Variants in ZNF287 observed in about 807,000 individuals in gnomAD.
The protein encoded by ZNF287 is zinc finger protein with KRAB and SCAN domains 13.
In ZNF287, 31 loss-of-function variants were observed where a neutral mutation model predicts 73.7. That is an observed-to-expected ratio of 0.42 (90% CI 0.32 to 0.57). ZNF287 has a LOEUF of 0.57. Among genes scored for constraint, ZNF287 ranks in the 20% least tolerant of loss-of-function variants. The pLI is 0.13. For synonymous variants in ZNF287, 301 were observed against 307.2 expected (o/e 0.98, Z 0.21); for missense variants, 641 against 909.3 (o/e 0.70, Z 3.79).
At position 16,566,627 on chromosome 17, in the gene ZNF287, A is replaced by T. The variant is rs1229741717; in HGVS notation, c.404-5T>A. 1 of 1,606,936 alleles carries T rather than the reference A, an allele frequency of 6.2e-7. No individual in the cohort carries two copies. Among genetic ancestry groups the T allele is most frequent in the Admixed American group, 1.7e-5 (1 of 59,336 alleles). On this transcript the variant is annotated splice_polypyrimidine_tract_variant and splice_region_variant and intron_variant, in intron 2 of 5. Transcript: ENST00000395825. Reference sequence around the variant, plus strand: ...AAAGGGTAGAGTTTTGAGGAGCTAGAGAAGAGAAAGAGGTCATGAGGGAGA... The same window carrying T: ...AAAGGGTAGAGTTTTGAGGAGCTAGTGAAGAGAAAGAGGTCATGAGGGAGA...
chr17:16,563,383 T>A, intron 4 of ZNF287, 151 bp from the exon 5 acceptor site: 1 of 612,002 alleles, frequency 1.6e-6, no homozygotes, highest in Non-Finnish European at 2.8e-6. Flanking sequence ...GGCTGTTGAT[T>A]GTTATCCTTT....
At chr17:16,568,101 G>T in intron 1 of ZNF287, 172 bp from the exon 2 acceptor site, 1 of 438,192 alleles carries the variant, frequency 2.3e-6, no homozygotes, top group Non-Finnish European at 3.1e-6. Context: ...GCTTGGGGTT[G>T]GTGGGGGATG....
intron 2 of ZNF287, 136 bp downstream of exon 2, chr17:16,567,193 G>T: frequency 8.5e-7 from 1 of 1,177,804 alleles, no homozygotes; most frequent in Non-Finnish European, 1.2e-6. Flanking sequence ...GTTCTCCCCA[G>T]TTTCTTTCTT....
Position 16,555,601 on chromosome 17 carries a change from A to AACACAC in ZNF287, c.716-2181_716-2176dup, listed in dbSNP as rs201011881. ...AGATGTGCATGCATACACATAACCA[A>AACACAC]ACACACACACACACACACACACACA... On this transcript the variant is annotated intron_variant, in intron 5 of 5. Transcript: ENST00000395825. 3.2e-3 allele frequency among the ~76,000 whole-genome samples: 404 copies of AACACAC among 128,220 alleles called. 2 individuals carry two copies. The Middle Eastern group carries it at 0.041, about 13-fold the overall frequency. 84.1% of individuals were successfully genotyped at this position (128,220 alleles called of 152,430 possible).
In ZNF287 at chr17:16,548,029, T is replaced by C. The variant is rs528045026; in HGVS notation, c.*3827A>G. On this transcript the variant is annotated 3_prime_UTR_variant, in exon 6 of 6. Coordinates refer to ENST00000395825, the MANE Select transcript of ZNF287 (RefSeq NM_020653.4). ...ACTGTGCCTCTAGTGCATTCCTAGTTGATGAGGGAACATTATACAAGAATG... is the reference window on the plus strand; with the variant it reads ...ACTGTGCCTCTAGTGCATTCCTAGTCGATGAGGGAACATTATACAAGAATG... Among the ~76,000 whole-genome samples, 20 of 152,216 alleles carry C rather than the reference T, an allele frequency of 1.3e-4. No individual in the cohort carries two copies. Among genetic ancestry groups the C allele is most frequent in the Non-Finnish European group, 1.8e-4 (12 of 68,040 alleles).
In ZNF287 at chr17:16,551,783, G is replaced by A; in HGVS notation, c.*73C>T. ...GCACTTCTTCAGACTTCTTCTGAATGTTCTGACACATAGAATGCACAAAAC... is the reference window on the plus strand; with the variant it reads ...GCACTTCTTCAGACTTCTTCTGAATATTCTGACACATAGAATGCACAAAAC... On this transcript the variant is annotated 3_prime_UTR_variant, in exon 6 of 6. Transcript: ENST00000395825. The A allele has an allele frequency of 6.7e-7, 1 of 1,489,492 alleles. No homozygotes were observed. The highest frequency in any genetic ancestry group is 9.0e-7 in the Non-Finnish European group (1 of 1,107,676). The allele number at this position is 1,489,492 out of a possible 1,614,324, so 92.3% of individuals were successfully genotyped here. A position where few individuals can be genotyped will look rare whatever the true frequency, so the allele number is the denominator to read the frequency against.
Position 16,550,029 on chromosome 17 carries a change from G to GT in ZNF287, c.*1826dup, listed in dbSNP as rs1330658544. Among the ~76,000 whole-genome samples, 3 of 152,294 alleles carry GT rather than the reference G, an allele frequency of 2.0e-5. No individual in the cohort carries two copies. In the East Asian group the frequency reaches 5.8e-4, roughly 29 times the overall value. ...ATTATGCAAGGGACTGGAGAAACAA[G>GT]TAAGAGCACAATGAAATCTCAGTTC... is the stretch of plus-strand genomic sequence containing the variant. On this transcript the variant is annotated 3_prime_UTR_variant, in exon 6 of 6. Transcript: ENST00000395825.
intron 3 of ZNF287, 86 bp from the exon 4 acceptor site, chr17:16,563,911 A>T: frequency 6.8e-7 from 1 of 1,474,500 alleles, no homozygotes; most frequent in Non-Finnish European, 9.1e-7. Flanking sequence ...ATGGTGGGGG[A>T]CTGTCACAGA....
intron 5 of ZNF287, among the ~76,000 whole-genome samples, chr17:16,554,366 GT>G (rs1215831352): frequency 6.6e-6 from 1 of 152,030 alleles, no homozygotes; most frequent in Non-Finnish European, 1.5e-5. Flanking sequence ...TAGAGACATG[GT>G]TTCACCATGT....
rs150096456 is a variant in ZNF287 at position 16,559,956 on chromosome 17, A to T, written c.715+3190T>A. On this transcript the variant is annotated intron_variant, in intron 5 of 5. Transcript: ENST00000395825. ...CATACACATCCATATATATATATAT[A>T]TTTTTCTTTTTTCTGAGATGGAGTC... Among the ~76,000 whole-genome samples, 964 of 151,836 alleles carry T rather than the reference A, an allele frequency of 6.3e-3. 8 individuals carry two copies. Among genetic ancestry groups the T allele is most frequent in the African/African-American group, 0.013 (548 of 41,416 alleles).
intron 5 of ZNF287, among the ~76,000 whole-genome samples, chr17:16,561,331 A>G (rs1039306297): frequency 2.0e-5 from 3 of 152,174 alleles, no homozygotes; most frequent in Admixed American, 6.5e-5. Flanking sequence ...AACAACAAAA[A>G]AGAAAATCAC....
intron 5 of ZNF287, among the ~76,000 whole-genome samples, chr17:16,559,572 A>ACACACACAC (rs1555899603): frequency 1.4e-5 from 2 of 147,390 alleles, no homozygotes; most frequent in African/African-American, 2.5e-5. Context: ...TAAAAGAACT[A>ACACACACAC]ACACACACAC....
chr17:16,564,479 G>C (rs938343907), intron 3 of ZNF287, among the ~76,000 whole-genome samples: 1 of 152,120 alleles, frequency 6.6e-6, no homozygotes, highest in Non-Finnish European at 1.5e-5. Context: ...TGGGATTACA[G>C]GAGTGATCCA....
At position 16,552,505 on chromosome 17, in the gene ZNF287, C is replaced by G. The variant is rs1244301340; in HGVS notation, c.1637G>C (p.Ser546Thr). ...ATGTCGAATAAGGTAAGTACTCTGA[C>G]TAAACACTTTCCAACATTCATTGCA... is the stretch of plus-strand genomic sequence containing the variant. ...YKCNECWKVF[S>T]QSTYLIRHQR... The change falls in exon 6 of 6, where the codon AGT becomes ACT. Residue 546 changes from serine to threonine, a missense_variant. This residue lies in a region of ZNF287 where 284 missense variants were observed against 466.8 expected (regional missense o/e 0.61). Coordinates refer to ENST00000395825, the MANE Select transcript of ZNF287 (RefSeq NM_020653.4). The surrounding 1 kb of genome is among the most constrained non-coding windows in gnomAD (Gnocchi z 6.5). 1 of 1,614,034 alleles carries G rather than the reference C, an allele frequency of 6.2e-7. No individual in the cohort carries two copies. The highest frequency in any genetic ancestry group is 1.3e-5 in the African/African-American group (1 of 74,928).
In ZNF287 at chr17:16,548,161, A is replaced by G. The variant is rs1382176223; in HGVS notation, c.*3695T>C. On this transcript the variant is annotated 3_prime_UTR_variant, in exon 6 of 6. Coordinates refer to ENST00000395825, the MANE Select transcript of ZNF287 (RefSeq NM_020653.4). ...CACCGTTGGTTACTTTTTACCAGGTAAAAAGTTGTTGGCAATCAAAATATC... is the reference window on the plus strand; with the variant it reads ...CACCGTTGGTTACTTTTTACCAGGTGAAAAGTTGTTGGCAATCAAAATATC... Among the ~76,000 whole-genome samples, 1 of 152,214 alleles carries G rather than the reference A, an allele frequency of 6.6e-6. No homozygotes were observed. The highest frequency in any genetic ancestry group is 2.4e-5 in the African/African-American group (1 of 41,454).
chr17:16,552,474 T>C lies in ZNF287; in HGVS notation c.1668A>G (p.Arg556=), dbSNP rs530236422. 1 of 1,614,146 alleles carries C rather than the reference T, an allele frequency of 6.2e-7. No homozygotes were observed. The highest frequency in any genetic ancestry group is 1.3e-5 in the African/African-American group (1 of 75,044). The change falls in exon 6 of 6, where the codon AGA becomes AGG. Residue 556 remains arginine (R), a synonymous_variant. Transcript: ENST00000395825. The surrounding 1 kb of genome is among the most constrained non-coding windows in gnomAD (Gnocchi z 6.5). The part of the protein sequence containing the change: ...SQSTYLIRHQ[R]IHSGEKCYKC... ...TATAACACTTCTCTCCAGAATGAAT[T>C]CTCTGATGTCGAATAAGGTAAGTAC...
chr17:16,548,681 TC>T lies in ZNF287; in HGVS notation c.*3174del, dbSNP rs1379257403. 6.6e-6 allele frequency among the ~76,000 whole-genome samples: 1 copy of T among 152,064 alleles called. No individual in the cohort carries two copies. The highest frequency in any genetic ancestry group is 1.9e-4 in the East Asian group (1 of 5,186). ...CGGGCGTGGTGGCGGGTGTCTGTAGTCCCAGCTACTCGGGAGGCTGAGGCAG... is the reference window on the plus strand; with the variant it reads ...CGGGCGTGGTGGCGGGTGTCTGTAGTCCAGCTACTCGGGAGGCTGAGGCAG... On this transcript the variant is annotated 3_prime_UTR_variant, in exon 6 of 6. Coordinates refer to ENST00000395825, the MANE Select transcript of ZNF287 (RefSeq NM_020653.4).
Position 16,552,744 on chromosome 17 carries a change from G to T in ZNF287, c.1398C>A (p.His466Gln), listed in dbSNP as rs945589577. 2 of 1,614,064 alleles carry T rather than the reference G, an allele frequency of 1.2e-6. No homozygotes were observed. ...DCGKDFSQRA[H>Q]LTIHQRTHTG... ...TATGTGTCCTTTGATGGATGGTAAG[G>T]TGTGCACGCTGACTGAAGTCTTTCC... is the stretch of plus-strand genomic sequence containing the variant. Residue 466 changes from histidine (H) to glutamine (Q), a missense_variant, in exon 6 of 6, where the codon CAC (histidine) becomes CAA (glutamine). Physicochemically the swap from His to Gln is conservative, Grantham distance 24. Transcript: ENST00000395825. This position sits in a 1 kb window ranked among gnomAD's most constrained non-coding sequence, Gnocchi z 6.5.
intron 5 of ZNF287, among the ~76,000 whole-genome samples, chr17:16,560,640 A>G (rs1393321985): frequency 6.6e-6 from 1 of 151,722 alleles, no homozygotes; most frequent in Non-Finnish European, 1.5e-5. Flanking sequence ...GAGCCACCGT[A>G]CCCGGCTGAA....
Sources: gnomAD v4.1 joint callset for allele counts (sites outside exome capture counted in the v4.1 genomes callset) on GRCh38, gnomAD v4.1.1 for gene constraint, gnomAD v4.1.1 regional missense constraint, Gnocchi (gnomAD v3.1) non-coding constraint, MANE v1.5 for transcripts, NCBI Gene and HGNC (gene_info 2026-07-23, HGNC 2026-07-21) for gene names.